The following BDH1 variants were observed in gnomAD, a reference collection of about 807,000 sequenced individuals.
The protein encoded by BDH1 is D-beta-hydroxybutyrate dehydrogenase, mitochondrial.
Under a neutral mutation model 33.1 loss-of-function variants are expected in BDH1, and 30 were observed. The ratio of observed to expected loss-of-function variants is 0.91; its 90% CI spans 0.68 to 1.23. The LOEUF (loss-of-function observed/expected upper bound fraction) is 1.23, where lower values mean the gene tolerates loss of function less well. Ranked by LOEUF, BDH1 falls within the 50% of genes most tolerant of loss-of-function variation. The pLI is 0.00. For synonymous variants in BDH1, 190 were observed against 183.6 expected (o/e 1.03, Z -0.28); for missense variants, 443 against 464.4 (o/e 0.95, Z 0.42).
At chr3:197,513,782 T>C (rs930651098) in intron 7 of BDH1, among the ~76,000 whole-genome samples, 7 of 152,246 alleles carry the variant, frequency 4.6e-5, no homozygotes, top group Admixed American at 3.9e-4. Flanking sequence ...TTTGCTCACA[T>C]TTGGCCACCC....
rs1712430801 is a variant in BDH1, at chr3:197,514,248, T to C, written c.562+16A>G. 1 of 1,603,998 alleles carries C rather than the reference T, an allele frequency of 6.2e-7. No individual in the cohort carries two copies. The highest frequency in any genetic ancestry group is 8.5e-7 in the Non-Finnish European group (1 of 1,173,568). ...GGCAGGTTCAGGGGCAGGAGGGAGC[T>C]CCCTTTCCCACTCACCTTTGGCCCT... is the stretch of plus-strand genomic sequence containing the variant. On this transcript the variant is annotated intron_variant, in intron 7 of 7. Coordinates refer to ENST00000392379, the MANE Select transcript of BDH1 (RefSeq NM_203314.3). The surrounding 1 kb of genome is among the most constrained non-coding windows in gnomAD (Gnocchi z 4.2).
rs924554074 is a variant in BDH1 at position 197,515,802 on chromosome 3, G to T, written c.410-1386C>A. 8.2e-6 allele frequency: 7 copies of T among 853,746 alleles called. No homozygotes were observed. In the East Asian group the frequency reaches 8.5e-4, roughly 104 times the overall value. 52.9% of individuals were successfully genotyped at this position (853,746 alleles called of 1,614,324 possible). On this transcript the variant is annotated intron_variant, in intron 6 of 7. Transcript: ENST00000392379. ...ACCTGTAGTCCCAGCTACTCGGGAG[G>T]CTGAGGCAGGAAAATCTCTTGAACC... is the stretch of plus-strand genomic sequence containing the variant.
intron 3 of BDH1, among the ~76,000 whole-genome samples, chr3:197,543,682 G>A (rs1298219533): frequency 6.6e-6 from 1 of 152,214 alleles, no homozygotes; most frequent in East Asian, 1.9e-4. Context: ...CAAGAGTGGT[G>A]GGTGTTTTGT....
At position 197,510,688 on chromosome 3, in the gene BDH1, T is replaced by TGTGG. The variant is rs1711913068; in HGVS notation, c.*1206_*1207insCCAC. ...TGTGTGTGTACATGTGTGTAAGGTG[T>TGTGG]GTGTGTGTGTGTGTGTGTGTGTGTG... On this transcript the variant is annotated 3_prime_UTR_variant, in exon 8 of 8. Transcript: ENST00000392379. 1.5e-5 allele frequency: 1 copy of TGTGG among 65,966 alleles called. No individual in the cohort carries two copies. The highest frequency in any genetic ancestry group is 3.2e-5 in the Non-Finnish European group (1 of 31,688). 4.1% of individuals were successfully genotyped at this position (65,966 alleles called of 1,614,324 possible). A position where few individuals can be genotyped will look rare whatever the true frequency, so the allele number is the denominator to read the frequency against.
At chr3:197,543,647 T>C (rs1715846134) in intron 3 of BDH1, among the ~76,000 whole-genome samples, 1 of 152,242 alleles carries the variant, frequency 6.6e-6, no homozygotes. Flanking sequence ...CCATGTGTAC[T>C]GGGTGATGCC....
At chr3:197,552,234 A>C (rs1484117534) in intron 2 of BDH1, among the ~76,000 whole-genome samples, 1 of 152,120 alleles carries the variant, frequency 6.6e-6, no homozygotes, top group Admixed American at 6.6e-5. Flanking sequence ...AAGTCCTATC[A>C]ATGCCACCTT....
In BDH1 at chr3:197,543,753, TG is replaced by T. The variant is rs145772597; in HGVS notation, c.83+2607del. Among the ~76,000 whole-genome samples the T allele has an allele frequency of 3.0e-3, 462 of 152,256 alleles. 1 individual carries two copies. The highest frequency in any genetic ancestry group is 0.011 in the African/African-American group (439 of 41,540). On this transcript the variant is annotated intron_variant, in intron 3 of 7. Transcript: ENST00000392379. ...GTGCAGACCATTCAGCGGGGAGACC[TG>T]GATGATAGTGGGGAAACCATGAGAG...
rs1410644793 is a variant in BDH1, at chr3:197,523,836, T to TG, written c.268-1056dup. ...GAGGGGGCCGATGGGGACGGGGCACTGTGGGAAGAGATAAGAGGACGCCAC... is the reference window on the plus strand; with the variant it reads ...GAGGGGGCCGATGGGGACGGGGCACTGGTGGGAAGAGATAAGAGGACGCCAC... On this transcript the variant is annotated intron_variant, in intron 5 of 7. Transcript: ENST00000392379. This position sits in a 1 kb window ranked among gnomAD's most constrained non-coding sequence, Gnocchi z 4.5. Among the ~76,000 whole-genome samples, 6 of 152,080 alleles carry TG rather than the reference T, an allele frequency of 3.9e-5. No individual in the cohort carries two copies. Among genetic ancestry groups the TG allele is most frequent in the African/African-American group, 1.4e-4 (6 of 41,392 alleles).
Position 197,514,262 on chromosome 3 carries a change from AC to A in BDH1, c.562+1del. ...CAGGAGGGAGCTCCCTTTCCCACTC[AC>A]CTTTGGCCCTTCGGATGAGGGGGAG... On this transcript the variant is annotated splice_donor_variant, in intron 7 of 7. Coordinates refer to ENST00000392379, the MANE Select transcript of BDH1 (RefSeq NM_203314.3). LOFTEE classifies it high-confidence loss of function. This position sits in a 1 kb window ranked among gnomAD's most constrained non-coding sequence, Gnocchi z 4.2. The A allele has an allele frequency of 1.2e-6, 2 of 1,607,152 alleles. No individual in the cohort carries two copies.
rs187855837 is a variant in BDH1 at position 197,547,807 on chromosome 3, T to C, written c.-43-1321A>G. Among the ~76,000 whole-genome samples the C allele has an allele frequency of 3.5e-3, 537 of 152,322 alleles. 3 individuals carry two copies. The highest frequency in any genetic ancestry group is 0.013 in the African/African-American group (520 of 41,574). On this transcript the variant is annotated intron_variant, in intron 2 of 7. Coordinates refer to ENST00000392379, the MANE Select transcript of BDH1 (RefSeq NM_203314.3). ...AGCCACCACTGACTCCAAGAACTCC[T>C]TGCCCACGTGAGGGCGTTCCTGCCT...
chr3:197,567,681 G>A (rs1717478072), intron 1 of BDH1, among the ~76,000 whole-genome samples: 1 of 152,134 alleles, frequency 6.6e-6, no homozygotes, highest in Non-Finnish European at 1.5e-5. Context: ...TAAACTTTCT[G>A]AATTAACTGA....
At chr3:197,546,207 A>T in intron 3 of BDH1, 154 bp downstream of exon 3, 3 of 682,390 alleles carry the variant, frequency 4.4e-6, no homozygotes, top group Non-Finnish European at 7.7e-6. Context: ...ATGTCTTCCC[A>T]GGACACCTCT....
At chr3:197,570,298 A>G (rs1717565300) in intron 1 of BDH1, among the ~76,000 whole-genome samples, 1 of 152,236 alleles carries the variant, frequency 6.6e-6, no homozygotes, top group African/African-American at 2.4e-5. Flanking sequence ...AGTTTGGAAA[A>G]TTTGCAGCCT....
intron 2 of BDH1, among the ~76,000 whole-genome samples, chr3:197,548,875 CA>C (rs564233533): frequency 6.7e-5 from 9 of 133,548 alleles, no homozygotes; most frequent in Non-Finnish European, 1.2e-4. Flanking sequence ...CAAAAAAAAA[CA>C]AAAAAAACAC....
At position 197,521,028 on chromosome 3, in the gene BDH1, C is replaced by T. The variant is rs895105673; in HGVS notation, c.409+1612G>A. Among the ~76,000 whole-genome samples, 1 of 152,142 alleles carries T rather than the reference C, an allele frequency of 6.6e-6. No homozygotes were observed. On this transcript the variant is annotated intron_variant, in intron 6 of 7. Coordinates refer to ENST00000392379, the MANE Select transcript of BDH1 (RefSeq NM_203314.3). This position sits in a 1 kb window ranked among gnomAD's most constrained non-coding sequence, Gnocchi z 4.9. ...CCTCTGAGGCAGCTGCTGTGACAGA[C>T]AGCACATCCATCTGGCTGATACAGG...
chr3:197,553,523 G>C (rs1397363924), intron 2 of BDH1, among the ~76,000 whole-genome samples: 1 of 118,104 alleles, frequency 8.5e-6, no homozygotes, highest in African/African-American at 3.5e-5. Flanking sequence ...GCAAGACTCT[G>C]TCTCAAAAAA....
chr3:197,561,621 A>C (rs1405325491), intron 1 of BDH1, among the ~76,000 whole-genome samples: 1 of 152,094 alleles, frequency 6.6e-6, no homozygotes, highest in East Asian at 1.9e-4. Flanking sequence ...CAGTGATCAT[A>C]TTGTTGGGGT....
intron 2 of BDH1, among the ~76,000 whole-genome samples, chr3:197,548,061 C>T (rs138505739): frequency 9.9e-4 from 151 of 152,318 alleles, no homozygotes; most frequent in Middle Eastern, 3.4e-3. Flanking sequence ...GTGCCTAGAA[C>T]GAGCCTGACG....
In BDH1 at chr3:197,554,154, C is replaced by T. The variant is rs1367051873; in HGVS notation, c.-44+408G>A. Among the ~76,000 whole-genome samples, 2 of 152,230 alleles carry T rather than the reference C, an allele frequency of 1.3e-5. No homozygotes were observed. Among genetic ancestry groups the T allele is most frequent in the Non-Finnish European group, 1.5e-5 (1 of 68,030 alleles). On this transcript the variant is annotated intron_variant, in intron 2 of 7. Coordinates refer to ENST00000392379, the MANE Select transcript of BDH1 (RefSeq NM_203314.3). The surrounding 1 kb of genome is among the most constrained non-coding windows in gnomAD (Gnocchi z 4.4). ...CCAAACTGACTGCATCTGACCAAGT[C>T]CTAGCTGGTTCAGATAACTCTCCCG...
Sources: allele counts gnomAD v4.1 joint callset (sites outside exome capture counted in the v4.1 genomes callset), GRCh38; gene constraint gnomAD v4.1.1; non-coding constraint Gnocchi (gnomAD v3.1); transcripts MANE v1.5; gene names NCBI Gene and HGNC (gene_info 2026-07-23, HGNC 2026-07-21).